Variants in TSPYL2 observed in about 807,000 individuals in gnomAD.
The protein encoded by TSPYL2 is TSPY like 2, also known as testis-specific Y-encoded-like protein 2.
TSPYL2 carries 9 observed loss-of-function variants against 33.0 expected under a neutral mutation model. That is an observed-to-expected ratio of 0.27 (90% CI 0.16 to 0.48). TSPYL2 has a LOEUF of 0.48. Ranked by LOEUF, TSPYL2 falls within the 20% of genes least tolerant of loss-of-function variation. The pLI is 0.99. For missense variants in TSPYL2, 636 were observed against 586.2 expected (o/e 1.08, Z -0.88); for synonymous variants, 330 against 233.6 (o/e 1.41, Z -3.77).
At chrX:53,087,585 T>C (rs1932785219) in intron 6 of TSPYL2, 191 bp from the exon 7 acceptor site, 1 of 434,520 alleles carries the variant, frequency 2.3e-6, no homozygotes, top group Non-Finnish European at 4.0e-6. Context: ...TCCATCTCCC[T>C]CTCATTCTGT....
intron 1 of TSPYL2, among the ~76,000 whole-genome samples, chrX:53,084,078 C>T (rs781869984): frequency 9.0e-5 from 10 of 111,685 alleles, no homozygotes; most frequent in Admixed American, 5.6e-4. Flanking sequence ...AGACATAGGA[C>T]CTCAGCTCCT....
chrX:53,084,697 A>G (rs1932717965), intron 2 of TSPYL2, 58 bp from the exon 3 acceptor site: 1 of 1,181,736 alleles, frequency 8.5e-7, no homozygotes, highest in African/African-American at 1.8e-5. Context: ...GGTGGGTGGG[A>G]AGGGCCGTGG....
intron 6 of TSPYL2, chrX:53,086,624 AAC>A (rs782802202): frequency 5.1e-5 from 17 of 335,321 alleles, no homozygotes; most frequent in Non-Finnish European, 7.9e-5. Context: ...GGAGTGGCAA[AAC>A]ACAGTGCATT....
chrX:53,087,816 T>G lies in TSPYL2; in HGVS notation c.1959T>G (p.Tyr653Ter), dbSNP rs782115678. ...QDEDIYEEGN[Y>*]EEEGSEDVWE... ...AGGACATCTATGAGGAAGGAAACTA[T>G]GAGGAGGAAGGAAGTGAAGATGTCT... Residue 653 changes from tyrosine to a stop codon, truncating the protein, a stop_gained, in exon 7 of 7, where the codon TAT becomes TAG. Coordinates refer to ENST00000375442, the MANE Select transcript of TSPYL2 (RefSeq NM_022117.4). LOFTEE classifies it low-confidence loss of function (END_TRUNC). 5.8e-5 allele frequency: 70 copies of G among 1,209,940 alleles called. No homozygotes were observed. The highest frequency in any genetic ancestry group is 7.3e-5 in the Non-Finnish European group (65 of 894,932).
In TSPYL2 at chrX:53,085,954, A is replaced by G. The variant is rs146112253; in HGVS notation, c.1562A>G (p.Asn521Ser). 4.4e-5 allele frequency: 53 copies of G among 1,203,917 alleles called. No homozygotes were observed. The highest frequency in any genetic ancestry group is 5.6e-5 in the Non-Finnish European group (50 of 891,953). Residue 521 changes from asparagine to serine, a missense_variant, in exon 6 of 7, where the codon AAT (asparagine) becomes AGT (serine). Physicochemically the swap from Asn to Ser is conservative, Grantham distance 46 (BLOSUM62 1). This residue lies in a region of TSPYL2 where 401 missense variants were observed against 363.0 expected (regional missense o/e 1.10). Transcript: ENST00000375442. Reference protein sequence around the residue: ...ADDNNENPEDNNKNTDDNEEN... With the variant: ...ADDNNENPEDSNKNTDDNEEN... Reference sequence around the variant, plus strand: ...GACAACAACGAGAATCCTGAAGACAATAACAAGAACACTGATGACAACGAA... The same window carrying G: ...GACAACAACGAGAATCCTGAAGACAGTAACAAGAACACTGATGACAACGAA...
chrX:53,086,316 C>T lies in TSPYL2; in HGVS notation c.1918+6C>T, dbSNP rs782574261. 3 of 1,156,929 alleles carry T rather than the reference C, an allele frequency of 2.6e-6. No homozygotes were observed. The East Asian group carries it at 9.1e-5, about 35-fold the overall frequency. On this transcript the variant is annotated splice_donor_region_variant and intron_variant, in intron 6 of 6. Coordinates refer to ENST00000375442, the MANE Select transcript of TSPYL2 (RefSeq NM_022117.4). ...AGAAGAGGGCATTGAGGAAGGTGAG[C>T]TAATCCCCCCCCACCCTTGTCTTCC...
chrX:53,085,215 CT>C lies in TSPYL2; in HGVS notation c.1144-7del. ...TAATGGCTGTCTTATTCCTTCTCCC[CT>C]TTTTCAACAGATTATCAAGAATGAT... On this transcript the variant is annotated splice_polypyrimidine_tract_variant and intron_variant, in intron 4 of 6. Transcript: ENST00000375442. 8.4e-7 allele frequency: 1 copy of C among 1,197,100 alleles called. No individual in the cohort carries two copies. The highest frequency in any genetic ancestry group is 1.1e-6 in the Non-Finnish European group (1 of 887,895).
chrX:53,085,060 C>T lies in TSPYL2; in HGVS notation c.1104C>T (p.Phe368=). 8.3e-7 allele frequency: 1 copy of T among 1,211,340 alleles called. No homozygotes were observed. Among genetic ancestry groups the T allele is most frequent in the Non-Finnish European group, 1.1e-6 (1 of 895,163 alleles). ...CGAGCCACAGCTTTTTCAGCTGGTT[C>T]TCAAACCATAGCCTCCCAGAGGCTG... The part of the protein sequence containing the change: ...QDASHSFFSW[F]SNHSLPEADR... Residue 368 remains phenylalanine, a synonymous_variant, in exon 4 of 7, where the codon TTC becomes TTT. Transcript: ENST00000375442.
chrX:53,085,889 T>C lies in TSPYL2; in HGVS notation c.1497T>C (p.Ala499=), dbSNP rs782742046. 122 of 1,209,133 alleles carry C rather than the reference T, an allele frequency of 1.0e-4. No individual in the cohort carries two copies. The highest frequency in any genetic ancestry group is 2.6e-4 in the South Asian group (15 of 56,670). Residue 499 remains alanine (A), a synonymous_variant, in exon 6 of 7, where the codon GCT becomes GCC. Transcript: ENST00000375442. ...NNETTDNNES[A]DDHETTDNNE... is the part of the protein sequence containing the mutation. Reference sequence around the variant, plus strand: ...AGACCACTGATAACAACGAGAGTGCTGATGACCACGAAACCACTGACAACA... The same window carrying C: ...AGACCACTGATAACAACGAGAGTGCCGATGACCACGAAACCACTGACAACA...
chrX:53,087,745 A>G, intron 6 of TSPYL2, 31 bp from the exon 7 acceptor site: 1 of 1,185,866 alleles, frequency 8.4e-7, no homozygotes, highest in East Asian at 3.1e-5. Context: ...GCCTTCCTCC[A>G]TTTCCCCTTC....
chrX:53,087,235 AGACATGTTCAGGTAG>A, intron 6 of TSPYL2: 1 of 112,664 alleles, frequency 8.9e-6, no homozygotes, highest in Non-Finnish European at 1.9e-5. Flanking sequence ...GCCTCAATCT[AGACATGTTCAGGTAG>A]GAGAGAGAAA....
intron 6 of TSPYL2, chrX:53,086,935 G>C (rs1423802062): frequency 8.4e-6 from 1 of 118,409 alleles, no homozygotes; most frequent in Non-Finnish European, 1.8e-5. Context: ...CCAAAATTAT[G>C]TCCTGAGGAT....
chrX:53,082,971 G>A lies in TSPYL2; in HGVS notation c.473G>A (p.Arg158Lys), dbSNP rs1249791967. The A allele has an allele frequency of 2.5e-6, 3 of 1,208,856 alleles. No homozygotes were observed. The highest frequency in any genetic ancestry group is 3.4e-6 in the Non-Finnish European group (3 of 894,930). The change falls in exon 1 of 7, where the codon AGG becomes AAG. Residue 158 changes from arginine (R) to lysine (K), a missense_variant. Physicochemically the swap from Arg to Lys is conservative, Grantham distance 26 (BLOSUM62 2). This residue lies in a region of TSPYL2 where 231 missense variants were observed against 201.6 expected (regional missense o/e 1.15). Transcript: ENST00000375442. ...TCSAVGWAPQ[R>K]LVDPKSKEEA... Reference sequence around the variant, plus strand: ...AGCGCAGTGGGGTGGGCGCCCCAGAGGTTAGTTGACCCGAAGAGCAAGGAA... The same window carrying A: ...AGCGCAGTGGGGTGGGCGCCCCAGAAGTTAGTTGACCCGAAGAGCAAGGAA...
chrX:53,082,375 G>C lies in TSPYL2; in HGVS notation c.-124G>C. On this transcript the variant is annotated 5_prime_UTR_variant, in exon 1 of 7. Coordinates refer to ENST00000375442, the MANE Select transcript of TSPYL2 (RefSeq NM_022117.4). ...CTGTGGGAGGGAACGCCAGAGCGAG[G>C]TGGTGAGGAGAGCTGGTTGCGTGAG... is the stretch of plus-strand genomic sequence containing the variant. 1 of 638,754 alleles carries C rather than the reference G, an allele frequency of 1.6e-6. No individual in the cohort carries two copies. Among genetic ancestry groups the C allele is most frequent in the Non-Finnish European group, 2.2e-6 (1 of 448,945 alleles). 52.6% of individuals were successfully genotyped at this position (638,754 alleles called of 1,213,427 possible).
In TSPYL2 at chrX:53,087,797, TCTATGAGGAAGGAAA is replaced by T. The variant is rs782254336; in HGVS notation, c.1950_1964del (p.Gly651_Glu655del). On this transcript the variant is annotated inframe_deletion, in exon 7 of 7. Coordinates refer to ENST00000375442, the MANE Select transcript of TSPYL2 (RefSeq NM_022117.4). ...GCAGGCATCCAGCAAGATGAGGACA[TCTATGAGGAAGGAAA>T]CTATGAGGAGGAAGGAAGTGAAGAT... 3 of 1,209,041 alleles carry T rather than the reference TCTATGAGGAAGGAAA, an allele frequency of 2.5e-6. No homozygotes were observed. The highest frequency in any genetic ancestry group is 3.5e-5 in the African/African-American group (2 of 57,308).
At position 53,082,483 on chromosome X, in the gene TSPYL2, T is replaced by G. The variant is rs1556807101; in HGVS notation, c.-16T>G. 8.7e-7 allele frequency: 1 copy of G among 1,149,370 alleles called. No individual in the cohort carries two copies. The highest frequency in any genetic ancestry group is 2.7e-5 in the Admixed American group (1 of 36,895). The allele number at this position is 1,149,370 out of a possible 1,213,427, so 94.7% of individuals were successfully genotyped here. On this transcript the variant is annotated 5_prime_UTR_variant, in exon 1 of 7. Transcript: ENST00000375442. ...GGGCGAGTGCGAGTCCCCTGAGCTG[T>G]ACGAACGCGGTCGCCATGGACCGCC...
chrX:53,087,558 C>T, intron 6 of TSPYL2: 2 of 416,737 alleles, frequency 4.8e-6, no homozygotes, highest in Non-Finnish European at 8.4e-6. Context: ...GGATCCCACA[C>T]TGCCTTCCTG....
chrX:53,085,991 C>G lies in TSPYL2; in HGVS notation c.1599C>G (p.Asn533Lys), dbSNP rs782532031. The change falls in exon 6 of 7, where the codon AAC (asparagine) becomes AAG (lysine). Residue 533 changes from asparagine to lysine, a missense_variant. This residue lies in a region of TSPYL2 where 401 missense variants were observed against 363.0 expected (regional missense o/e 1.10). Coordinates refer to ENST00000375442, the MANE Select transcript of TSPYL2 (RefSeq NM_022117.4). ...KNTDDNEENP[N>K]NNENTYGNNF... ...CTGATGACAACGAAGAGAACCCTAA[C>G]AACAACGAGAACACTTACGGCAACA... 10 of 1,187,256 alleles carry G rather than the reference C, an allele frequency of 8.4e-6. No homozygotes were observed. In the Admixed American group the frequency reaches 2.5e-4, roughly 29 times the overall value.
At chrX:53,086,802 A>G (rs1932774616) in intron 6 of TSPYL2, 2 of 143,686 alleles carry the variant, frequency 1.4e-5, no homozygotes, top group South Asian at 1.8e-4. Flanking sequence ...TAGAGGAAAA[A>G]GGTGACATTT....
Sources: gnomAD v4.1 joint callset for allele counts (sites outside exome capture counted in the v4.1 genomes callset) on GRCh38, gnomAD v4.1.1 for gene constraint, gnomAD v4.1.1 regional missense constraint, MANE v1.5 for transcripts, NCBI Gene and HGNC (gene_info 2026-07-23, HGNC 2026-07-21) for gene names.